Variants in ZRANB3 observed in about 807,000 individuals in gnomAD.
ZRANB3 encodes the protein zinc finger RANBP2-type containing 3.
ZRANB3 carries 125 observed loss-of-function variants against 133.8 expected under a neutral mutation model. That is an observed-to-expected ratio of 0.93 (90% confidence interval 0.81 to 1.08). ZRANB3 has a LOEUF of 1.08. ZRANB3 is among the 50% of genes least tolerant of loss of function. ZRANB3 has a pLI of 0.00. For synonymous variants in ZRANB3, 387 were observed against 432.7 expected (o/e 0.89, Z 1.31); for missense variants, 1,229 against 1,275.5 (o/e 0.96, Z 0.56).
chr2:135,497,115 A>C (rs1574205268), intron 2 of ZRANB3, among the ~76,000 whole-genome samples: 1 of 152,360 alleles, frequency 6.6e-6, no homozygotes, highest in South Asian at 2.1e-4. Flanking sequence ...TAAATGTAAA[A>C]ATAATTCATA....
intron 13 of ZRANB3, among the ~76,000 whole-genome samples, chr2:135,229,840 A>T (rs942768127): frequency 6.6e-6 from 1 of 152,180 alleles, no homozygotes; most frequent in Non-Finnish European, 1.5e-5. Context: ...TTTTCTTACG[A>T]CAACCACGGG....
At chr2:135,219,963 C>G (rs1694469932) in intron 15 of ZRANB3, among the ~76,000 whole-genome samples, 1 of 152,048 alleles carries the variant, frequency 6.6e-6, no homozygotes, top group Non-Finnish European at 1.5e-5. Flanking sequence ...CCTCAACGTC[C>G]TGGGCCCAGG....
chr2:135,385,087 A>T (rs1474049651), intron 3 of ZRANB3, among the ~76,000 whole-genome samples: 1 of 152,210 alleles, frequency 6.6e-6, no homozygotes, highest in African/African-American at 2.4e-5. Context: ...TTGTATATCT[A>T]GAAAACCCCA....
intron 6 of ZRANB3, among the ~76,000 whole-genome samples, chr2:135,332,439 C>T (rs1304887807): frequency 6.6e-6 from 1 of 152,052 alleles, no homozygotes; most frequent in Non-Finnish European, 1.5e-5. Flanking sequence ...TTTGTATTGC[C>T]GGCAGCTCTG....
intron 3 of ZRANB3, among the ~76,000 whole-genome samples, chr2:135,363,672 A>G (rs2104890133): frequency 6.6e-6 from 1 of 152,308 alleles, no homozygotes; most frequent in African/African-American, 2.4e-5. Flanking sequence ...GAAAGGACAA[A>G]AAGAAATGGG....
intron 8 of ZRANB3, among the ~76,000 whole-genome samples, chr2:135,306,249 TC>T (rs1234332332): frequency 3.3e-5 from 5 of 152,082 alleles, no homozygotes; most frequent in East Asian, 1.9e-4. Context: ...CCATAGGCTT[TC>T]CCCATCCCTT....
intron 6 of ZRANB3, among the ~76,000 whole-genome samples, chr2:135,337,984 T>C (rs1573934956): frequency 6.6e-6 from 1 of 152,232 alleles, no homozygotes; most frequent in South Asian, 2.1e-4. Context: ...TCAGCCATTT[T>C]ATTCCAGAAG....
chr2:135,471,022 C>A (rs1209412732), intron 2 of ZRANB3, among the ~76,000 whole-genome samples: 1 of 151,458 alleles, frequency 6.6e-6, no homozygotes, highest in African/African-American at 2.4e-5. Flanking sequence ...AGCATGGTCT[C>A]AATCTCTTGA....
chr2:135,406,673 A>T (rs1418750473), intron 2 of ZRANB3, among the ~76,000 whole-genome samples: 4 of 152,194 alleles, frequency 2.6e-5, no homozygotes, highest in African/African-American at 4.8e-5. Context: ...CAACATACGA[A>T]AATCAATGAA....
At chr2:135,446,382 G>C (rs367684419) in intron 2 of ZRANB3, among the ~76,000 whole-genome samples, 9 of 152,112 alleles carry the variant, frequency 5.9e-5, no homozygotes, top group Admixed American at 5.2e-4. Context: ...GGAGGAAGCA[G>C]TGTCATCAAC....
chr2:135,361,574 C>T (rs1057323399), intron 3 of ZRANB3, among the ~76,000 whole-genome samples: 7 of 151,922 alleles, frequency 4.6e-5, no homozygotes, highest in Non-Finnish European at 1.5e-5. Context: ...TGACATTTTT[C>T]GAAACTAAAA....
chr2:135,297,321 T>G (rs1395195023), intron 8 of ZRANB3, among the ~76,000 whole-genome samples: 1 of 152,176 alleles, frequency 6.6e-6, no homozygotes, highest in Non-Finnish European at 1.5e-5. Flanking sequence ...CAGTTTGATC[T>G]CAGACTGCTG....
chr2:135,510,955 G>T (rs1054808812), intron 1 of ZRANB3: 58 of 814,598 alleles, frequency 7.1e-5, no homozygotes, highest in Non-Finnish European at 1.1e-4. Flanking sequence ...ACTCTTTGGG[G>T]TTCAATGTCA....
chr2:135,415,716 C>T (rs527846296), intron 2 of ZRANB3, among the ~76,000 whole-genome samples: 1 of 152,288 alleles, frequency 6.6e-6, no homozygotes, highest in East Asian at 1.9e-4. Context: ...CAATAAAATA[C>T]TGGCAAACCG....
intron 2 of ZRANB3, among the ~76,000 whole-genome samples, chr2:135,436,299 A>G (rs968935977): frequency 6.6e-6 from 1 of 152,104 alleles, no homozygotes; most frequent in Non-Finnish European, 1.5e-5. Context: ...CTTATTTATG[A>G]GCTCACTATT....
intron 12 of ZRANB3, among the ~76,000 whole-genome samples, chr2:135,243,763 T>C (rs111949992): frequency 0.039 from 5,913 of 152,012 alleles, 403 homozygotes; most frequent in African/African-American, 0.14. Flanking sequence ...GGACTACAGG[T>C]GCATGCTGCC....
chr2:135,413,597 T>C (rs1024248111), intron 2 of ZRANB3, among the ~76,000 whole-genome samples: 1 of 152,194 alleles, frequency 6.6e-6, no homozygotes, highest in Admixed American at 6.5e-5. Flanking sequence ...CAAAAACACA[T>C]GAGACTAGGA....
chr2:135,248,210 T>TA (rs1436819359), intron 12 of ZRANB3, among the ~76,000 whole-genome samples: 2 of 152,186 alleles, frequency 1.3e-5, no homozygotes, highest in Non-Finnish European at 2.9e-5. Flanking sequence ...CCCATTCCCA[T>TA]ATCTGCTCAT....
intron 2 of ZRANB3, among the ~76,000 whole-genome samples, chr2:135,449,843 G>T (rs760286561): frequency 1.3e-5 from 2 of 151,966 alleles, no homozygotes; most frequent in African/African-American, 4.8e-5. Flanking sequence ...TCACAGCCTC[G>T]AACTCACAGA....
Sources: allele counts gnomAD v4.1 joint callset (sites outside exome capture counted in the v4.1 genomes callset), GRCh38; gene constraint gnomAD v4.1.1; transcripts MANE v1.5; gene names NCBI Gene and HGNC (gene_info 2026-07-23, HGNC 2026-07-21).